SYT17: variants seen among roughly 807,000 people sequenced by gnomAD.
SYT17 encodes synaptotagmin 17.
SYT17 carries 22 observed loss-of-function variants against 46.7 expected under a neutral mutation model. The ratio of observed to expected loss-of-function variants is 0.47; its 90% CI spans 0.34 to 0.67. The LOEUF is 0.67. Ranked by LOEUF, SYT17 falls within the 30% of genes least tolerant of loss-of-function variation. The probability of loss-of-function intolerance (pLI) is 0.01; values close to 1 mark genes in which losing one functional copy is unlikely to be tolerated. For missense variants in SYT17, 519 were observed against 612.8 expected (o/e 0.85, Z 1.62); for synonymous variants, 251 against 248.4 (o/e 1.01, Z -0.10).
intron 7 of SYT17, among the ~76,000 whole-genome samples, chr16:19,241,764 A>G (rs914850507): frequency 1.8e-4 from 28 of 152,086 alleles, no homozygotes; most frequent in Non-Finnish European, 3.2e-4. Flanking sequence ...GATGCGTGCC[A>G]GGGTCGGGAG....
In SYT17 at chr16:19,168,538, G is replaced by A; in HGVS notation, c.-109G>A. ...CCAGTCACGTCTGGGGCCACCGGCTGCCTTTTTCTTCCTTTCCCCCTTTGC... is the reference window on the plus strand; with the variant it reads ...CCAGTCACGTCTGGGGCCACCGGCTACCTTTTTCTTCCTTTCCCCCTTTGC... On this transcript the variant is annotated 5_prime_UTR_variant, in exon 1 of 8. Coordinates refer to ENST00000355377, the MANE Select transcript of SYT17 (RefSeq NM_016524.4). This position sits in a 1 kb window ranked among gnomAD's most constrained non-coding sequence, Gnocchi z 6.9. The A allele has an allele frequency of 1.3e-6, 2 of 1,484,960 alleles. No individual in the cohort carries two copies. Among genetic ancestry groups the A allele is most frequent in the South Asian group, 2.4e-5 (2 of 82,132 alleles). The allele number at this position is 1,484,960 out of a possible 1,614,324, so 92.0% of individuals were successfully genotyped here.
chr16:19,267,086 G>C lies in SYT17; in HGVS notation c.*10G>C. 6.5e-7 allele frequency: 1 copy of C among 1,542,482 alleles called. No homozygotes were observed. The highest frequency in any genetic ancestry group is 8.7e-7 in the Non-Finnish European group (1 of 1,149,676). ...CCTGGAGGTGACCTGAGGGCTGCAG[G>C]GAAGGCAGCTTTCATTTGTTTAAAA... On this transcript the variant is annotated 3_prime_UTR_variant, in exon 8 of 8. Coordinates refer to ENST00000355377, the MANE Select transcript of SYT17 (RefSeq NM_016524.4).
chr16:19,223,150 G>C lies in SYT17; in HGVS notation c.1057G>C (p.Val353Leu). The change falls in exon 6 of 8, where the codon GTG becomes CTG. Residue 353 changes from valine to leucine, a missense_variant. Val to Leu is a conservative substitution (Grantham distance 32). Transcript: ENST00000355377. ...AGCCAAGCAACTTCTTCAGACAGAT[G>C]TGAGCCAAGGTTCAGGTACCGTGTG... ...IRAKQLLQTDVSQGSDPFVKI... is the reference protein window; with the variant it reads ...IRAKQLLQTDLSQGSDPFVKI... 1 of 1,613,846 alleles carries C rather than the reference G, an allele frequency of 6.2e-7. No homozygotes were observed. Among genetic ancestry groups the C allele is most frequent in the Non-Finnish European group, 8.5e-7 (1 of 1,179,800 alleles).
intron 7 of SYT17, among the ~76,000 whole-genome samples, chr16:19,260,061 A>G (rs1372445682): frequency 6.6e-6 from 1 of 152,078 alleles, no homozygotes; most frequent in African/African-American, 2.4e-5. Flanking sequence ...GCAATTGGTT[A>G]TTATCTAAAG....
At chr16:19,237,857 C>A (rs1486804397) in intron 7 of SYT17, among the ~76,000 whole-genome samples, 4 of 152,214 alleles carry the variant, frequency 2.6e-5, no homozygotes, top group Non-Finnish European at 5.9e-5. Flanking sequence ...CTCTGTTCTC[C>A]CGTGTCACCC....
At chr16:19,172,283 G>A (rs1034187994) in intron 1 of SYT17, 1 of 1,227,146 alleles carries the variant, frequency 8.1e-7, no homozygotes, top group African/African-American at 1.6e-5. Flanking sequence ...CACCATTGGA[G>A]CAGAATTGGA....
intron 3 of SYT17, among the ~76,000 whole-genome samples, chr16:19,176,829 T>G (rs1964333493): frequency 1.3e-5 from 2 of 152,190 alleles, no homozygotes; most frequent in Non-Finnish European, 2.9e-5. Context: ...GAATTATCGC[T>G]TGATTAATGA....
intron 5 of SYT17, among the ~76,000 whole-genome samples, chr16:19,192,289 C>T (rs938382715): frequency 6.6e-5 from 10 of 151,666 alleles, no homozygotes; most frequent in Non-Finnish European, 1.5e-4. Context: ...GGTGTGGTGG[C>T]GCATGCCTGT....
chr16:19,198,428 G>T (rs1965337540), intron 5 of SYT17, among the ~76,000 whole-genome samples: 1 of 152,202 alleles, frequency 6.6e-6, no homozygotes, highest in Non-Finnish European at 1.5e-5. Context: ...ACTTCCAGCA[G>T]TGTGACCTTG....
chr16:19,175,607 C>T (rs913384628), intron 3 of SYT17, among the ~76,000 whole-genome samples: 6 of 146,920 alleles, frequency 4.1e-5, no homozygotes, highest in East Asian at 2.0e-4. Context: ...GCTATAATCA[C>T]GCCACTGCAG....
intron 5 of SYT17, among the ~76,000 whole-genome samples, chr16:19,220,709 A>C (rs1416175674): frequency 2.0e-5 from 3 of 152,224 alleles, no homozygotes; most frequent in African/African-American, 7.2e-5. Context: ...AACTAGGCTC[A>C]GCCTCAAATA....
chr16:19,240,548 T>G (rs1300153624), intron 7 of SYT17, among the ~76,000 whole-genome samples: 2 of 151,974 alleles, frequency 1.3e-5, no homozygotes, highest in Non-Finnish European at 2.9e-5. Context: ...GGGGAGGAAG[T>G]GTATGCTGAT....
At chr16:19,220,587 C>T (rs1481968163) in intron 5 of SYT17, among the ~76,000 whole-genome samples, 3 of 152,140 alleles carry the variant, frequency 2.0e-5, no homozygotes, top group African/African-American at 4.8e-5. Flanking sequence ...GCATGAGCCA[C>T]TGCACCTGGT....
rs11376928 is a variant in SYT17 at position 19,263,037 on chromosome 16, CTT to C, written c.1229-3830_1229-3829del. Among the ~76,000 whole-genome samples, 564 of 145,722 alleles carry C rather than the reference CTT, an allele frequency of 3.9e-3. 2 individuals are homozygous for C. The highest frequency in any genetic ancestry group is 0.022 in the Middle Eastern group (6 of 276). ...ACTTTTCTATAAGGAGTCAGATAATCTTTTTTTTTTTTTTGTATTCCCTTTTG... is the reference window on the plus strand; with the variant it reads ...ACTTTTCTATAAGGAGTCAGATAATCTTTTTTTTTTTTGTATTCCCTTTTG... On this transcript the variant is annotated intron_variant, in intron 7 of 7. Coordinates refer to ENST00000355377, the MANE Select transcript of SYT17 (RefSeq NM_016524.4).
chr16:19,246,561 C>T (rs8061415), intron 7 of SYT17, among the ~76,000 whole-genome samples: 6,439 of 152,148 alleles, frequency 0.042, 492 homozygotes, highest in African/African-American at 0.15. Flanking sequence ...AGGCTCTTTC[C>T]AGGAATGTAT....
At position 19,237,540 on chromosome 16, in the gene SYT17, T is replaced by C. The variant is rs551501267; in HGVS notation, c.1228+12702T>C. Among the ~76,000 whole-genome samples the C allele has an allele frequency of 2.0e-5, 3 of 152,344 alleles. No individual in the cohort carries two copies. In the South Asian group the frequency reaches 6.2e-4, roughly 32 times the overall value. On this transcript the variant is annotated intron_variant, in intron 7 of 7. Coordinates refer to ENST00000355377, the MANE Select transcript of SYT17 (RefSeq NM_016524.4). ...GGCAATGACCCGACAACCCAAAAGTTACCACTCTTTTCCTAGAAATTTCTG... is the reference window on the plus strand; with the variant it reads ...GGCAATGACCCGACAACCCAAAAGTCACCACTCTTTTCCTAGAAATTTCTG...
intron 7 of SYT17, among the ~76,000 whole-genome samples, chr16:19,247,829 C>T (rs947904328): frequency 3.9e-5 from 6 of 152,090 alleles, no homozygotes; most frequent in African/African-American, 1.4e-4. Context: ...TTCCAAAATC[C>T]AGTGTGTGGA....
chr16:19,193,925 A>G, intron 5 of SYT17, among the ~76,000 whole-genome samples: 1 of 152,140 alleles, frequency 6.6e-6, no homozygotes, highest in East Asian at 1.9e-4. Context: ...CTAAGCAGAG[A>G]TGTGGGGCTG....
chr16:19,205,442 T>C (rs199950806), intron 5 of SYT17, among the ~76,000 whole-genome samples: 10 of 90,080 alleles, frequency 1.1e-4, no homozygotes, highest in Admixed American at 1.1e-4. Context: ...CCTTGACTTT[T>C]TTTTTTTTTT....
Sources: allele counts gnomAD v4.1 joint callset (sites outside exome capture counted in the v4.1 genomes callset), GRCh38; gene constraint gnomAD v4.1.1; non-coding constraint Gnocchi (gnomAD v3.1); transcripts MANE v1.5; gene names NCBI Gene and HGNC (gene_info 2026-07-23, HGNC 2026-07-21).